Variants in TMEM117 observed in about 807,000 individuals in gnomAD.
TMEM117 encodes transmembrane protein 117.
A neutral mutation model predicts 52.4 loss-of-function variants in TMEM117; 27 were observed. The observed-to-expected ratio is 0.51, with a 90% CI of 0.38 to 0.71. The LOEUF (loss-of-function observed/expected upper bound fraction) is 0.71, where lower values mean the gene tolerates loss of function less well. Among genes scored for constraint, TMEM117 ranks in the 30% least tolerant of loss-of-function variants. The probability of loss-of-function intolerance (pLI) is 0.00; values close to 1 mark genes in which losing one functional copy is unlikely to be tolerated. For synonymous variants in TMEM117, 215 were observed against 206.3 expected (o/e 1.04, Z -0.36); for missense variants, 556 against 630.5 (o/e 0.88, Z 1.26).
intron 2 of TMEM117, among the ~76,000 whole-genome samples, chr12:43,854,859 A>T (rs1943373062): frequency 1.3e-5 from 2 of 151,922 alleles, no homozygotes; most frequent in South Asian, 2.1e-4. Context: ...TTGGTCTCGA[A>T]CTCCTGACTT....
At chr12:44,086,276 T>C (rs1947564537) in intron 3 of TMEM117, among the ~76,000 whole-genome samples, 1 of 149,746 alleles carries the variant, frequency 6.7e-6, no homozygotes, top group South Asian at 2.1e-4. Context: ...TGTAGTGGCA[T>C]GATCTCAGCT....
At chr12:44,328,089 G>A (rs2138717017) in intron 6 of TMEM117, among the ~76,000 whole-genome samples, 1 of 152,250 alleles carries the variant, frequency 6.6e-6, no homozygotes, top group Admixed American at 6.5e-5. Context: ...GTTATCTCTA[G>A]TTGATCAAAA....
At chr12:44,008,305 C>G (rs561947152) in intron 3 of TMEM117, among the ~76,000 whole-genome samples, 2 of 152,294 alleles carry the variant, frequency 1.3e-5, no homozygotes, top group African/African-American at 4.8e-5. Context: ...ATCTGTCAAA[C>G]ACCTGATACT....
chr12:43,826,529 C>T, the TMEM117 span, among the ~76,000 whole-genome samples: 4 of 152,180 alleles, frequency 2.6e-5, no homozygotes, highest in Admixed American at 6.5e-5. Context: ...GTTTTCTGCT[C>T]ATAATTCCAG....
chr12:44,280,075 C>T (rs776117452), intron 5 of TMEM117, among the ~76,000 whole-genome samples: 1 of 151,966 alleles, frequency 6.6e-6, no homozygotes, highest in Non-Finnish European at 1.5e-5. Context: ...TTTGTTTTTC[C>T]CTATATATAC....
intron 2 of TMEM117, among the ~76,000 whole-genome samples, chr12:43,856,178 A>C (rs974141671): frequency 6.6e-6 from 1 of 152,218 alleles, no homozygotes; most frequent in Non-Finnish European, 1.5e-5. Flanking sequence ...TTATTTGAAC[A>C]GACGCTGTCT....
At chr12:43,906,784 C>T (rs937615014) in intron 2 of TMEM117, among the ~76,000 whole-genome samples, 8 of 152,170 alleles carry the variant, frequency 5.3e-5, no homozygotes, top group African/African-American at 7.2e-5. Context: ...TGCACTTTTC[C>T]GACAGGCTTA....
chr12:43,807,048 T>G, the TMEM117 span, among the ~76,000 whole-genome samples: 1 of 152,324 alleles, frequency 6.6e-6, no homozygotes, highest in East Asian at 1.9e-4. Context: ...CAGCAGATAT[T>G]ACTTAAAAAT....
At chr12:43,995,278 T>A (rs1946009772) in intron 3 of TMEM117, among the ~76,000 whole-genome samples, 1 of 151,498 alleles carries the variant, frequency 6.6e-6, no homozygotes, top group African/African-American at 2.4e-5. Context: ...AAAAGGAAAT[T>A]AAGGGATTTG....
chr12:43,897,781 ATT>A (rs60455973), intron 2 of TMEM117, among the ~76,000 whole-genome samples: 118,370 of 150,482 alleles, frequency 0.79, 48,826 homozygotes, highest in Non-Finnish European at 0.9. Context: ...TAATTTTTGT[ATT>A]TTTTTTTTGC....
chr12:43,892,845 A>G (rs140100778), intron 2 of TMEM117, among the ~76,000 whole-genome samples: 4 of 152,366 alleles, frequency 2.6e-5, no homozygotes, highest in African/African-American at 9.6e-5. Flanking sequence ...ATTATGAAAT[A>G]AAGCAGTTTA....
intron 3 of TMEM117, among the ~76,000 whole-genome samples, chr12:44,089,337 T>A (rs1413478938): frequency 6.6e-6 from 1 of 152,192 alleles, no homozygotes; most frequent in Non-Finnish European, 1.5e-5. Context: ...CTTTGATGTT[T>A]TACTTAGCTG....
chr12:44,046,368 C>A (rs1453824019), intron 3 of TMEM117, among the ~76,000 whole-genome samples: 1 of 152,176 alleles, frequency 6.6e-6, no homozygotes, highest in Non-Finnish European at 1.5e-5. Context: ...TTGACCTGGA[C>A]TATCAAGATG....
intron 3 of TMEM117, among the ~76,000 whole-genome samples, chr12:44,121,642 A>ACAGTAGC (rs1948236636): frequency 6.6e-6 from 1 of 152,180 alleles, no homozygotes; most frequent in Non-Finnish European, 1.5e-5. Context: ...CTTCCAGGCA[A>ACAGTAGC]CAGTAGCCTA....
At chr12:44,182,803 A>G (rs2138318833) in intron 4 of TMEM117, among the ~76,000 whole-genome samples, 1 of 152,300 alleles carries the variant, frequency 6.6e-6, no homozygotes, top group East Asian at 1.9e-4. Context: ...CAAAAGTGTG[A>G]TGAGTCGGTC....
chr12:44,344,740 C>A (rs1170585951), intron 6 of TMEM117, among the ~76,000 whole-genome samples: 1 of 151,950 alleles, frequency 6.6e-6, no homozygotes, highest in Non-Finnish European at 1.5e-5. Context: ...GGGACAGAGT[C>A]CTGTGTCCAG....
intron 3 of TMEM117, among the ~76,000 whole-genome samples, chr12:44,090,849 GTT>G (rs541939145): frequency 9.8e-6 from 1 of 101,624 alleles, no homozygotes. Flanking sequence ...GTTTTTTTTT[GTT>G]TTTTTTTTTT....
intron 3 of TMEM117, among the ~76,000 whole-genome samples, chr12:43,958,969 G>T (rs1415314800): frequency 6.6e-6 from 1 of 151,980 alleles, no homozygotes; most frequent in Non-Finnish European, 1.5e-5. Flanking sequence ...ACCACGCCCG[G>T]CTAATTTTTT....
rs1201745451 is a variant in TMEM117 at position 44,389,466 on chromosome 12, C to T, written c.*794C>T. On this transcript the variant is annotated 3_prime_UTR_variant, in exon 8 of 8. Transcript: ENST00000266534. ...ACTCTCAAATTTATTGGCATTTACA[C>T]AAAGTCCCAGACAACCAAGGAACTG... The T allele has an allele frequency of 2.0e-5, 3 of 152,526 alleles. No homozygotes were observed. The Admixed American group carries it at 2.0e-4, about 10-fold the overall frequency. 9.4% of individuals were successfully genotyped at this position (152,526 alleles called of 1,614,324 possible).
Sources: allele counts gnomAD v4.1 joint callset (sites outside exome capture counted in the v4.1 genomes callset), GRCh38; gene constraint gnomAD v4.1.1; transcripts MANE v1.5; gene names NCBI Gene and HGNC (gene_info 2026-07-23, HGNC 2026-07-21).